The following FILIP1L variants were observed in gnomAD, a reference collection of about 807,000 sequenced individuals.
The protein encoded by FILIP1L is filamin A-interacting protein 1-like.
A neutral mutation model predicts 96.6 loss-of-function variants in FILIP1L; 55 were observed. The ratio of observed to expected loss-of-function variants is 0.57; its 90% CI spans 0.46 to 0.71. The LOEUF (loss-of-function observed/expected upper bound fraction) is 0.71, where lower values mean the gene tolerates loss of function less well. Ranked by LOEUF, FILIP1L falls within the 30% of genes least tolerant of loss-of-function variation. FILIP1L has a pLI of 0.00. For synonymous variants in FILIP1L, 467 were observed against 473.9 expected (o/e 0.99, Z 0.19); for missense variants, 1,304 against 1,321.2 (o/e 0.99, Z 0.20).
intron 5 of FILIP1L, among the ~76,000 whole-genome samples, chr3:99,840,258 C>G (rs182776714): frequency 8.3e-6 from 1 of 120,682 alleles, no homozygotes; most frequent in Admixed American, 1.0e-4. Context: ...CAGCCTTGCT[C>G]TGTCGCCCAG....
At chr3:99,847,224 CAA>C (rs749004894) in intron 5 of FILIP1L, among the ~76,000 whole-genome samples, 2 of 142,536 alleles carry the variant, frequency 1.4e-5, no homozygotes, top group Admixed American at 7.0e-5. Context: ...GAGGTTAAAA[CAA>C]AAAAAAAAAC....
chr3:99,914,218 C>G (rs888020279), intron 4 of FILIP1L, among the ~76,000 whole-genome samples: 2 of 152,126 alleles, frequency 1.3e-5, no homozygotes, highest in Non-Finnish European at 2.9e-5. Context: ...TGGATTTGGA[C>G]TCTAAGACTT....
At chr3:100,103,854 T>G (rs923242827) in intron 1 of FILIP1L, among the ~76,000 whole-genome samples, 1 of 152,232 alleles carries the variant, frequency 6.6e-6, no homozygotes, top group African/African-American at 2.4e-5. Flanking sequence ...CCCTGTGTGT[T>G]GGCAGCATTA....
chr3:99,843,871 A>C (rs1232089602), intron 5 of FILIP1L, among the ~76,000 whole-genome samples: 1 of 152,164 alleles, frequency 6.6e-6, no homozygotes, highest in Non-Finnish European at 1.5e-5. Context: ...TTAGATTCTC[A>C]TAGGAGCACG....
At chr3:99,988,511 CAAAAAAAAAAA>C (rs757175318) in intron 1 of FILIP1L, among the ~76,000 whole-genome samples, 1 of 47,896 alleles carries the variant, frequency 2.1e-5, no homozygotes, top group Admixed American at 2.9e-4. Flanking sequence ...GACTCCATCT[CAAAAAAAAAAA>C]AAAAAAAAGA....
chr3:99,926,808 T>G (rs1707306220), intron 3 of FILIP1L, among the ~76,000 whole-genome samples: 1 of 152,188 alleles, frequency 6.6e-6, no homozygotes, highest in South Asian at 2.1e-4. Flanking sequence ...CTTTCCATTG[T>G]TTTTTTCCCT....
Position 99,848,877 on chromosome 3 carries a change from A to G in FILIP1L, c.2799T>C (p.Thr933=), listed in dbSNP as rs1943506363. The part of the protein sequence containing the change: ...TTESPHSYTS[T]AVIPNCGTPK... ...GCGTGCCACAGTTCGGTATCACTGCAGTACTCGTGTAAGAGTGAGGACTCT... is the reference window on the plus strand; with the variant it reads ...GCGTGCCACAGTTCGGTATCACTGCGGTACTCGTGTAAGAGTGAGGACTCT... The change falls in exon 5 of 6, where the codon ACT becomes ACC. Residue 933 remains threonine (T), a synonymous_variant. Coordinates refer to ENST00000477258, the MANE Select transcript of FILIP1L (RefSeq NM_001387850.1). The G allele has an allele frequency of 1.2e-6, 2 of 1,613,960 alleles. No homozygotes were observed. Among genetic ancestry groups the G allele is most frequent in the African/African-American group, 1.3e-5 (1 of 74,878 alleles).
chr3:99,838,862 T>C (rs887278112), intron 5 of FILIP1L, among the ~76,000 whole-genome samples: 2 of 152,204 alleles, frequency 1.3e-5, no homozygotes, highest in Non-Finnish European at 2.9e-5. Context: ...CTCTTTTATG[T>C]TACCTCACTA....
chr3:99,907,494 G>A (rs1486039497), intron 4 of FILIP1L, among the ~76,000 whole-genome samples: 2 of 151,992 alleles, frequency 1.3e-5, no homozygotes, highest in South Asian at 2.1e-4. Context: ...TGATCCACCC[G>A]CCTCGGCCTC....
intron 4 of FILIP1L, among the ~76,000 whole-genome samples, chr3:99,923,229 G>A (rs1707180460): frequency 6.6e-6 from 1 of 151,968 alleles, no homozygotes; most frequent in Non-Finnish European, 1.5e-5. Context: ...ATCACCTGCT[G>A]CAGGTCCATA....
chr3:99,842,363 G>T (rs1225649242), intron 5 of FILIP1L, among the ~76,000 whole-genome samples: 1 of 152,086 alleles, frequency 6.6e-6, no homozygotes, highest in African/African-American at 2.4e-5. Flanking sequence ...AGGGATAAAA[G>T]ACTACACATT....
intron 1 of FILIP1L, among the ~76,000 whole-genome samples, chr3:99,969,505 G>A (rs78242493): frequency 0.016 from 2,451 of 152,232 alleles, 66 homozygotes; most frequent in African/African-American, 0.055. Context: ...AGAAGTCTAC[G>A]TTTGAATTGA....
chr3:99,956,886 C>T (rs898459095), intron 1 of FILIP1L, among the ~76,000 whole-genome samples: 3 of 152,146 alleles, frequency 2.0e-5, no homozygotes, highest in Non-Finnish European at 4.4e-5. Context: ...ATTTCCCACC[C>T]CCGACTTACA....
chr3:100,026,033 C>T (rs1274704578), intron 1 of FILIP1L, among the ~76,000 whole-genome samples: 1 of 152,070 alleles, frequency 6.6e-6, no homozygotes, highest in Non-Finnish European at 1.5e-5. Flanking sequence ...TGACCTGAGT[C>T]TTGGGATTTA....
intron 1 of FILIP1L, among the ~76,000 whole-genome samples, chr3:100,043,194 C>A (rs2065232103): frequency 6.6e-6 from 1 of 152,186 alleles, no homozygotes; most frequent in African/African-American, 2.4e-5. Context: ...TCAGGCATAT[C>A]CAGTATTTCA....
intron 1 of FILIP1L, among the ~76,000 whole-genome samples, chr3:100,097,694 A>C (rs185565679): frequency 6.6e-6 from 1 of 152,340 alleles, no homozygotes; most frequent in East Asian, 1.9e-4. Context: ...GGTTATTTTC[A>C]GCACCATTAA....
intron 4 of FILIP1L, among the ~76,000 whole-genome samples, chr3:99,894,720 A>G (rs1706193873): frequency 6.6e-6 from 1 of 152,184 alleles, no homozygotes; most frequent in Non-Finnish European, 1.5e-5. Flanking sequence ...TAGCACAAGG[A>G]AGCTTACTCA....
chr3:99,953,072 G>T (rs1402627441), intron 1 of FILIP1L, among the ~76,000 whole-genome samples: 2 of 151,954 alleles, frequency 1.3e-5, no homozygotes, highest in Non-Finnish European at 2.9e-5. Flanking sequence ...TTGTCATCTT[G>T]ATAAAAATAT....
intron 1 of FILIP1L, among the ~76,000 whole-genome samples, chr3:100,050,133 T>C (rs1008006933): frequency 6.6e-6 from 1 of 152,184 alleles, no homozygotes; most frequent in African/African-American, 2.4e-5. Flanking sequence ...TGGGGTAGTG[T>C]TCGGGGGCAA....
Sources: gnomAD v4.1 joint callset for allele counts (sites outside exome capture counted in the v4.1 genomes callset) on GRCh38, gnomAD v4.1.1 for gene constraint, MANE v1.5 for transcripts, NCBI Gene and HGNC (gene_info 2026-07-23, HGNC 2026-07-21) for gene names.